The following ANKS6 variants were observed in gnomAD, a reference collection of about 807,000 sequenced individuals.
The protein encoded by ANKS6 is ankyrin repeat and SAM domain-containing protein 6.
ANKS6 carries 47 observed loss-of-function variants against 77.9 expected under a neutral mutation model. The ratio of observed to expected loss-of-function variants is 0.60; its 90% CI spans 0.48 to 0.77. The LOEUF is 0.77. ANKS6 is among the 30% of genes least tolerant of loss of function. The pLI is 0.00. For missense variants in ANKS6, 1,150 were observed against 1,159.1 expected, an observed-to-expected ratio of 0.99 and a Z score of 0.11; for synonymous variants, 488 against 501.7, an observed-to-expected ratio of 0.97 and a Z score of 0.37.
intron 14 of ANKS6, among the ~76,000 whole-genome samples, chr9:98,743,499 T>C (rs1186413540): frequency 6.6e-6 from 1 of 152,200 alleles, no homozygotes; most frequent in Non-Finnish European, 1.5e-5. Flanking sequence ...ACTTTTCTAC[T>C]ACCCCTCTAA....
At position 98,778,389 on chromosome 9, in the gene ANKS6, C is replaced by A. The variant is rs1834037872; in HGVS notation, c.1404G>T (p.Lys468Asn). The change falls in exon 7 of 15, where the codon AAG becomes AAT. Residue 468 changes from lysine to asparagine, a missense_variant. By Grantham distance (94) the Lys-to-Asn change is moderately conservative. Transcript: ENST00000353234. ...WWNRMSNRFR[K>N]LKLMQTLPRG... ...GGGGCAGCGTCTGCATCAGTTTGAG[C>A]TTTCGGAACCGATTGGACATTCGGT... 1.2e-6 allele frequency: 2 copies of A among 1,613,978 alleles called. No individual in the cohort carries two copies. Among genetic ancestry groups the A allele is most frequent in the Non-Finnish European group, 1.7e-6 (2 of 1,180,028 alleles).
chr9:98,796,409 A>T lies in ANKS6; in HGVS notation c.83T>A (p.Leu28Gln). The T allele has an allele frequency of 1.0e-6, 1 of 995,046 alleles. No individual in the cohort carries two copies. The highest frequency in any genetic ancestry group is 1.2e-6 in the Non-Finnish European group (1 of 838,568). The allele number at this position is 995,046 out of a possible 1,614,324, so 61.6% of individuals were successfully genotyped here. A position where few individuals can be genotyped will look rare whatever the true frequency, so the allele number is the denominator to read the frequency against. ...TGGCTCCGCCGCCCCCGGCTCCAGC[A>T]GCCGCCGCGCCGTCTCCGTGTCGCC... ...DQGDTETARR[L>Q]LEPGAAEPAE... The change falls in exon 1 of 15, where the codon CTG (leucine) becomes CAG (glutamine). Residue 28 changes from leucine (L) to glutamine (Q), a missense_variant. Coordinates refer to ENST00000353234, the MANE Select transcript of ANKS6 (RefSeq NM_173551.5).
chr9:98,788,674 T>C (rs1188177436), intron 2 of ANKS6, among the ~76,000 whole-genome samples: 1 of 152,236 alleles, frequency 6.6e-6, no homozygotes, highest in Non-Finnish European at 1.5e-5. Context: ...GTTGTCATTG[T>C]GTCCATTTCA....
chr9:98,738,698 A>G (rs1458327944), intron 14 of ANKS6, among the ~76,000 whole-genome samples: 1 of 152,224 alleles, frequency 6.6e-6, no homozygotes, highest in African/African-American at 2.4e-5. Flanking sequence ...GATTCCTTAT[A>G]GAACTAAAAG....
chr9:98,790,200 C>A lies in ANKS6; in HGVS notation c.766G>T (p.Val256Leu), dbSNP rs746426087. 3.1e-6 allele frequency: 5 copies of A among 1,605,964 alleles called. No homozygotes were observed. The highest frequency in any genetic ancestry group is 3.4e-6 in the Non-Finnish European group (4 of 1,173,610). The change falls in exon 2 of 15, where the codon GTG (valine) becomes TTG (leucine). Residue 256 changes from valine (V) to leucine (L), a missense_variant. Transcript: ENST00000353234. ...EKGANPDHLS[V>L]LEKTAFEVAL... Reference sequence around the variant, plus strand: ...ACCTCGAAGGCGGTCTTCTCCAGCACGCTGAGGTGGTCAGGGTTGGCGCCC... The same window carrying A: ...ACCTCGAAGGCGGTCTTCTCCAGCAAGCTGAGGTGGTCAGGGTTGGCGCCC...
At chr9:98,740,770 C>A (rs986177397) in intron 14 of ANKS6, among the ~76,000 whole-genome samples, 3 of 152,058 alleles carry the variant, frequency 2.0e-5, no homozygotes, top group Non-Finnish European at 2.9e-5. Context: ...TTTCAAAGGA[C>A]CTGCCTGATA....
intron 11 of ANKS6, among the ~76,000 whole-genome samples, chr9:98,762,019 C>T (rs533573016): frequency 1.3e-5 from 2 of 152,026 alleles, no homozygotes; most frequent in Non-Finnish European, 2.9e-5. Context: ...AATCACAAGC[C>T]TTCCATCTCT....
chr9:98,747,736 C>T (rs886503538), intron 13 of ANKS6, among the ~76,000 whole-genome samples: 1 of 152,180 alleles, frequency 6.6e-6, no homozygotes, highest in African/African-American at 2.4e-5. Context: ...CACCTCCTAA[C>T]TGGTCTTTCC....
In ANKS6 at chr9:98,774,612, G is replaced by A. The variant is rs536938925; in HGVS notation, c.1618-532C>T. ...GCCATTGGGAGTGAAGAAGGAAGCAGGAGGTGATAAGGGCTAGGGCTCAGC... is the reference window on the plus strand; with the variant it reads ...GCCATTGGGAGTGAAGAAGGAAGCAAGAGGTGATAAGGGCTAGGGCTCAGC... On this transcript the variant is annotated intron_variant, in intron 8 of 14. Coordinates refer to ENST00000353234, the MANE Select transcript of ANKS6 (RefSeq NM_173551.5). Among the ~76,000 whole-genome samples the A allele has an allele frequency of 5.2e-4, 79 of 152,324 alleles. 1 individual carries two copies. Among genetic ancestry groups the A allele is most frequent in the African/African-American group, 1.9e-3 (77 of 41,570 alleles).
rs555092572 is a variant in ANKS6, at chr9:98,736,464, C to G, written c.*55G>C. 4 of 1,539,574 alleles carry G rather than the reference C, an allele frequency of 2.6e-6. No individual in the cohort carries two copies. The highest frequency in any genetic ancestry group is 2.6e-6 in the Non-Finnish European group (3 of 1,141,080). On this transcript the variant is annotated 3_prime_UTR_variant, in exon 15 of 15. Transcript: ENST00000353234. Reference sequence around the variant, plus strand: ...GGGGGCAGGGCTGGGGCTGTGGCCACGTGAAGGGGTCCCGGGATTCAGAGA... The same window carrying G: ...GGGGGCAGGGCTGGGGCTGTGGCCAGGTGAAGGGGTCCCGGGATTCAGAGA...
chr9:98,784,219 T>C, intron 3 of ANKS6, 62 bp from the exon 4 acceptor site: 1 of 1,422,372 alleles, frequency 7.0e-7, no homozygotes, highest in South Asian at 1.5e-5. Context: ...TGATTTCTCC[T>C]GTGGTTCATG....
In ANKS6 at chr9:98,736,115, A is replaced by G. The variant is rs1021216208; in HGVS notation, c.*404T>C. 5.2e-6 allele frequency: 6 copies of G among 1,150,236 alleles called. No homozygotes were observed. Among genetic ancestry groups the G allele is most frequent in the Non-Finnish European group, 6.4e-6 (6 of 934,046 alleles). 71.3% of individuals were successfully genotyped at this position (1,150,236 alleles called of 1,614,324 possible). On this transcript the variant is annotated 3_prime_UTR_variant, in exon 15 of 15. Transcript: ENST00000353234. ...GACTACCAGTGGCCAAGAGGACGTG[A>G]GCAGGAGTGATGTGTGTCAGTTAAG...
At chr9:98,796,097 A>T in intron 1 of ANKS6, 36 bp downstream of exon 1, 3 of 1,295,090 alleles carry the variant, frequency 2.3e-6, no homozygotes, top group Non-Finnish European at 2.9e-6. Context: ...GCCGGGCACC[A>T]CTCTGGTCCC....
In ANKS6 at chr9:98,756,498, A is replaced by T; in HGVS notation, c.2248T>A (p.Ser750Thr). ...TGGGATGACGAGGAAGACACTGAGG[A>T]CTCTGCAGTGTGCCCTTTGGGTGAG... ...SPSPKGHTAE[S>T]SVSSSSSHRQ... Residue 750 changes from serine to threonine, a missense_variant, in exon 12 of 15, where the codon TCC becomes ACC. By Grantham distance (58) the Ser-to-Thr change is moderately conservative. Transcript: ENST00000353234. The T allele has an allele frequency of 6.2e-7, 1 of 1,612,376 alleles. No individual in the cohort carries two copies. The highest frequency in any genetic ancestry group is 8.5e-7 in the Non-Finnish European group (1 of 1,179,234).
chr9:98,789,068 T>C (rs1834739529), intron 2 of ANKS6, among the ~76,000 whole-genome samples: 1 of 150,772 alleles, frequency 6.6e-6, no homozygotes, highest in South Asian at 2.1e-4. Context: ...GTATTTCTAA[T>C]AAGCATTTAC....
Position 98,779,726 on chromosome 9 carries a change from C to T in ANKS6, c.1368+463G>A, listed in dbSNP as rs189291543. Among the ~76,000 whole-genome samples, 157 of 152,050 alleles carry T rather than the reference C, an allele frequency of 1.0e-3. 1 individual carries two copies. Among genetic ancestry groups the T allele is most frequent in the Non-Finnish European group, 1.8e-3 (121 of 67,970 alleles). On this transcript the variant is annotated intron_variant, in intron 6 of 14. Transcript: ENST00000353234. ...TCGCCCAGGCTGGAGTGCAGTGGCGCGATCTCGACTCACTGCAAGCTCCGC... is the reference window on the plus strand; with the variant it reads ...TCGCCCAGGCTGGAGTGCAGTGGCGTGATCTCGACTCACTGCAAGCTCCGC...
Position 98,732,731 on chromosome 9 carries a change from C to A in ANKS6, c.*3788G>T. On this transcript the variant is annotated 3_prime_UTR_variant, in exon 15 of 15. Coordinates refer to ENST00000353234, the MANE Select transcript of ANKS6 (RefSeq NM_173551.5). ...CCTGTAACCAAAAGGGAAACTGGGA[C>A]TCAAAGGGAAGAAGAAACGTGCTCA... is the stretch of plus-strand genomic sequence containing the variant. The A allele has an allele frequency of 7.7e-6, 11 of 1,436,396 alleles. No individual in the cohort carries two copies. Among genetic ancestry groups the A allele is most frequent in the Non-Finnish European group, 1.0e-5 (11 of 1,099,536 alleles). The allele number at this position is 1,436,396 out of a possible 1,614,324, so 89.0% of individuals were successfully genotyped here. A position where few individuals can be genotyped will look rare whatever the true frequency, so the allele number is the denominator to read the frequency against.
At chr9:98,789,636 A>G (rs1388972249) in intron 2 of ANKS6, among the ~76,000 whole-genome samples, 1 of 152,204 alleles carries the variant, frequency 6.6e-6, no homozygotes, top group Non-Finnish European at 1.5e-5. Context: ...GAACCTAGCC[A>G]TACCTGACTC....
At chr9:98,779,594 G>A (rs912300694) in intron 6 of ANKS6, among the ~76,000 whole-genome samples, 1 of 151,672 alleles carries the variant, frequency 6.6e-6, no homozygotes, top group Non-Finnish European at 1.5e-5. Context: ...ACAAGTTCTT[G>A]TTCTGTCGCC....
Sources: gnomAD v4.1 joint callset for allele counts (sites outside exome capture counted in the v4.1 genomes callset) on GRCh38, gnomAD v4.1.1 for gene constraint, MANE v1.5 for transcripts, NCBI Gene and HGNC (gene_info 2026-07-23, HGNC 2026-07-21) for gene names.